ABCA10: variants seen among roughly 807,000 people sequenced by gnomAD.
The protein encoded by ABCA10 is ATP binding cassette subfamily A member 10, also known as ATP-binding cassette sub-family A member 10.
ABCA10 carries 169 observed loss-of-function variants against 187.5 expected under a neutral mutation model. That is an observed-to-expected ratio of 0.90 (90% confidence interval 0.80 to 1.02). ABCA10 has a LOEUF of 1.02. ABCA10 is among the 50% of genes least tolerant of loss of function. The probability of loss-of-function intolerance (pLI) is 0.00; values close to 1 mark genes in which losing one functional copy is unlikely to be tolerated. For synonymous variants in ABCA10, 574 were observed against 601.8 expected, an observed-to-expected ratio of 0.95 and a Z score of 0.68; for missense variants, 1,727 against 1,812.4, an observed-to-expected ratio of 0.95 and a Z score of 0.86.
intron 3 of ABCA10, among the ~76,000 whole-genome samples, chr17:69,223,232 T>C (rs892909081): frequency 6.6e-6 from 1 of 152,020 alleles, no homozygotes; most frequent in Non-Finnish European, 1.5e-5. Flanking sequence ...ATACAAATAC[T>C]CAGAATTTGG....
chr17:69,164,919 G>T (rs540325150), intron 26 of ABCA10, 45 bp downstream of exon 26: 1 of 1,579,618 alleles, frequency 6.3e-7, no homozygotes, highest in Admixed American at 1.8e-5. Context: ...TTTATTAATG[G>T]GCTACAAGGT....
rs768182438 is a variant in ABCA10 at position 69,215,793 on chromosome 17, C to A, written c.858+22G>T. On this transcript the variant is annotated intron_variant, in intron 8 of 38. Transcript: ENST00000690296. ...TATTTTGAAAATCTAATAATAAAAT[C>A]TTGAAATAATTATGTTCTTACCTGG... The A allele has an allele frequency of 1.8e-5, 26 of 1,439,426 alleles. 1 individual carries two copies. The South Asian group carries it at 2.5e-4, about 14-fold the overall frequency. The allele number at this position is 1,439,426 out of a possible 1,614,324, so 89.2% of individuals were successfully genotyped here.
chr17:69,173,321 A>G (rs574727601), intron 25 of ABCA10, among the ~76,000 whole-genome samples: 2 of 152,246 alleles, frequency 1.3e-5, no homozygotes, highest in East Asian at 3.9e-4. Context: ...CTGCTGACAT[A>G]CTGAATTCTC....
At chr17:69,164,044 A>G in intron 27 of ABCA10, 30 bp downstream of exon 27, 1 of 1,481,572 alleles carries the variant, frequency 6.7e-7, no homozygotes, top group South Asian at 1.3e-5. Flanking sequence ...CTTATGCAAT[A>G]TATATATTTA....
intron 25 of ABCA10, among the ~76,000 whole-genome samples, chr17:69,172,802 G>GGTT (rs10631316): frequency 0.74 from 112,774 of 151,690 alleles, 42,393 homozygotes; most frequent in African/African-American, 0.83. Context: ...ATTAAAAGCA[G>GGTT]GTTAAGTCTG....
At chr17:69,175,569 A>G in intron 22 of ABCA10, 56 bp from the exon 23 acceptor site, 2 of 1,323,502 alleles carry the variant, frequency 1.5e-6, no homozygotes, top group Non-Finnish European at 2.1e-6. Context: ...TTATACAAAC[A>G]TTATAAGATA....
At position 69,214,749 on chromosome 17, in the gene ABCA10, G is replaced by C. The variant is rs1256490588; in HGVS notation, c.961C>G (p.Leu321Val). The change falls in exon 9 of 39, where the codon CTT becomes GTT. Residue 321 changes from leucine to valine, a missense_variant. By Grantham distance (32) the Leu-to-Val change is conservative. Coordinates refer to ENST00000690296, the MANE Select transcript of ABCA10 (RefSeq NM_001377321.1). Reference sequence around the variant, plus strand: ...TATAATGTGAATATCAAATAGAAAAGAGTATCAAATGCCAAAATGAAAAAA... The same window carrying C: ...TATAATGTGAATATCAAATAGAAAACAGTATCAAATGCCAAAATGAAAAAA... ...ATFFILAFDT[L>V]FYLIFTLYFE... 6.6e-7 allele frequency: 1 copy of C among 1,519,628 alleles called. No individual in the cohort carries two copies. Among genetic ancestry groups the C allele is most frequent in the Non-Finnish European group, 8.8e-7 (1 of 1,142,420 alleles). The allele number at this position is 1,519,628 out of a possible 1,614,324, so 94.1% of individuals were successfully genotyped here. A position where few individuals can be genotyped will look rare whatever the true frequency, so the allele number is the denominator to read the frequency against.
At chr17:69,180,611 C>T (rs1014449714) in intron 22 of ABCA10, among the ~76,000 whole-genome samples, 4 of 152,048 alleles carry the variant, frequency 2.6e-5, no homozygotes, top group Non-Finnish European at 4.4e-5. Context: ...TATATTAGAT[C>T]TCACTCTTGA....
intron 9 of ABCA10, among the ~76,000 whole-genome samples, chr17:69,204,171 G>A (rs1255886758): frequency 4.6e-5 from 7 of 152,060 alleles, no homozygotes; most frequent in South Asian, 4.2e-4. Context: ...AAAATCTCCC[G>A]GTAATTATTG....
intron 25 of ABCA10, among the ~76,000 whole-genome samples, chr17:69,170,514 G>C (rs1339853795): frequency 1.3e-5 from 2 of 149,122 alleles, no homozygotes; most frequent in Non-Finnish European, 3.0e-5. Flanking sequence ...ACAATGCCTT[G>C]TAAGGAGTAA....
At position 69,209,842 on chromosome 17, in the gene ABCA10, A is replaced by G. The variant is rs145519925; in HGVS notation, c.1006+4862T>C. Among the ~76,000 whole-genome samples the G allele has an allele frequency of 6.4e-3, 968 of 152,288 alleles. 5 individuals carry two copies. Among genetic ancestry groups the G allele is most frequent in the Non-Finnish European group, 9.5e-3 (643 of 68,012 alleles). ...TGTACAGCATGTTACTGTACTCTAT[A>G]CTGTAGGAAATTGTAAGACAATGGT... On this transcript the variant is annotated intron_variant, in intron 9 of 38. Transcript: ENST00000690296.
intron 30 of ABCA10, 72 bp downstream of exon 30, chr17:69,154,947 G>A: frequency 9.4e-7 from 1 of 1,066,640 alleles, no homozygotes; most frequent in South Asian, 1.7e-5. Context: ...ATAAAAATTT[G>A]TCCCCTTTGT....
At chr17:69,241,554 CAGTT>C (rs1309315625) in intron 1 of ABCA10, among the ~76,000 whole-genome samples, 3 of 152,174 alleles carry the variant, frequency 2.0e-5, no homozygotes, top group African/African-American at 7.2e-5. Context: ...CCCCCTTAAT[CAGTT>C]AGCTAAAGCT....
intron 6 of ABCA10, among the ~76,000 whole-genome samples, chr17:69,216,800 A>C (rs2074709483): frequency 6.6e-6 from 1 of 152,202 alleles, no homozygotes; most frequent in African/African-American, 2.4e-5. Context: ...AAGGTATACC[A>C]TTCTTCTGAA....
chr17:69,193,385 ATT>A, intron 14 of ABCA10, 106 bp downstream of exon 14: 1 of 1,502,322 alleles, frequency 6.7e-7, no homozygotes, highest in Non-Finnish European at 8.9e-7. Flanking sequence ...ATGGTACTTT[ATT>A]ATAAATTTTC....
Position 69,148,739 on chromosome 17 carries a change from A to T in ABCA10, c.*88T>A. On this transcript the variant is annotated 3_prime_UTR_variant, in exon 39 of 39. Coordinates refer to ENST00000690296, the MANE Select transcript of ABCA10 (RefSeq NM_001377321.1). The stretch of plus-strand genomic sequence containing the variant: ...TGTTTATTAAATGTTTTCTTTTGTT[A>T]ACTGAAGTAAAAGGAAACATTCTTG... The T allele has an allele frequency of 9.1e-7, 1 of 1,101,490 alleles. No homozygotes were observed. The highest frequency in any genetic ancestry group is 1.3e-6 in the Non-Finnish European group (1 of 757,124). 68.2% of individuals were successfully genotyped at this position (1,101,490 alleles called of 1,614,324 possible). A position where few individuals can be genotyped will look rare whatever the true frequency, so the allele number is the denominator to read the frequency against.
chr17:69,164,570 C>T (rs1233016905), intron 26 of ABCA10, among the ~76,000 whole-genome samples: 1 of 152,136 alleles, frequency 6.6e-6, no homozygotes, highest in Non-Finnish European at 1.5e-5. Flanking sequence ...AAGTAGTATG[C>T]AATCAATAAG....
In ABCA10 at chr17:69,155,970, C is replaced by T. The variant is rs1391593187; in HGVS notation, c.3456-45G>A. 3.8e-6 allele frequency: 6 copies of T among 1,580,300 alleles called. No individual in the cohort carries two copies. The East Asian group carries it at 1.4e-4, about 36-fold the overall frequency. On this transcript the variant is annotated intron_variant, in intron 28 of 38. Transcript: ENST00000690296. Reference sequence around the variant, plus strand: ...ACATAAAAATGCAATTTTGGCTGTACAACTGTTAAGAAAATGTAAACCCCT... The same window carrying T: ...ACATAAAAATGCAATTTTGGCTGTATAACTGTTAAGAAAATGTAAACCCCT...
intron 3 of ABCA10, among the ~76,000 whole-genome samples, chr17:69,224,726 G>GGCT (rs1434150975): frequency 2.7e-5 from 4 of 149,874 alleles, no homozygotes; most frequent in African/African-American, 9.8e-5. Context: ...TAAGATCAAG[G>GGCT]GCTGTGAATT....
Sources: gnomAD v4.1 joint callset for allele counts (sites outside exome capture counted in the v4.1 genomes callset) on GRCh38, gnomAD v4.1.1 for gene constraint, MANE v1.5 for transcripts, NCBI Gene and HGNC (gene_info 2026-07-23, HGNC 2026-07-21) for gene names.